SNAPC1: variants seen among roughly 807,000 people sequenced by gnomAD.
SNAPC1 encodes the protein snRNA-activating protein complex subunit 1.
Under a neutral mutation model 50.1 loss-of-function variants are expected in SNAPC1, and 42 were observed. The observed-to-expected ratio is 0.84, with a 90% CI of 0.65 to 1.08. The LOEUF (loss-of-function observed/expected upper bound fraction) is 1.08, where lower values mean the gene tolerates loss of function less well. Ranked by LOEUF, SNAPC1 falls within the 50% of genes least tolerant of loss-of-function variation. SNAPC1 has a pLI of 0.00. For synonymous variants in SNAPC1, 164 were observed against 144.2 expected, an observed-to-expected ratio of 1.14 and a Z score of -0.98; for missense variants, 477 against 427.3, an observed-to-expected ratio of 1.12 and a Z score of -1.02.
Position 61,762,504 on chromosome 14 carries a change from T to G in SNAPC1, c.44T>G (p.Leu15Arg). Residue 15 changes from leucine (L) to arginine (R), a missense_variant, in exon 1 of 10, where the codon CTC becomes CGC. Transcript: ENST00000216294. Reference protein sequence around the residue: ...PGLQTDCEALLSRFQETDSVR... With the variant: ...PGLQTDCEALRSRFQETDSVR... ...CTGCAGACCGACTGCGAGGCGCTGC[T>G]CAGCCGCTTCCAGGAGACGGACAGT... is the stretch of plus-strand genomic sequence containing the variant. 1 of 1,426,680 alleles carries G rather than the reference T, an allele frequency of 7.0e-7. No individual in the cohort carries two copies. Among genetic ancestry groups the G allele is most frequent in the African/African-American group, 1.7e-5 (1 of 57,550 alleles). The allele number at this position is 1,426,680 out of a possible 1,614,324, so 88.4% of individuals were successfully genotyped here.
At chr14:61,777,935 T>G (rs1477851760) in intron 5 of SNAPC1, 137 bp from the exon 6 acceptor site, 1 of 513,280 alleles carries the variant, frequency 1.9e-6, no homozygotes, top group Non-Finnish European at 3.5e-6. Context: ...TAATGTTAGG[T>G]GGTATATAAT....
intron 1 of SNAPC1, among the ~76,000 whole-genome samples, chr14:61,763,144 A>C (rs1304682510): frequency 6.6e-6 from 1 of 151,424 alleles, no homozygotes; most frequent in Non-Finnish European, 1.5e-5. Flanking sequence ...GGTGCCCGGC[A>C]CCACGCCCGG....
At chr14:61,772,812 C>G (rs1378192690) in intron 4 of SNAPC1, among the ~76,000 whole-genome samples, 1 of 152,128 alleles carries the variant, frequency 6.6e-6, no homozygotes, top group East Asian at 1.9e-4. Flanking sequence ...GAACAAAGGT[C>G]TACTCTTTTA....
chr14:61,768,311 C>T lies in SNAPC1; in HGVS notation c.430-325C>T, dbSNP rs1017277445. Among the ~76,000 whole-genome samples the T allele has an allele frequency of 2.7e-5, 4 of 150,614 alleles. No individual in the cohort carries two copies. The East Asian group carries it at 7.8e-4, about 29-fold the overall frequency. On this transcript the variant is annotated intron_variant, in intron 3 of 9. Coordinates refer to ENST00000216294, the MANE Select transcript of SNAPC1 (RefSeq NM_003082.4). The stretch of plus-strand genomic sequence containing the variant: ...AAAATTCTTTGGTGAAAAGTTGAAA[C>T]TTCTAATAGCATTTGTTTTTTTTTA...
chr14:61,778,816 T>C, intron 6 of SNAPC1, 32 bp from the exon 7 acceptor site: 5 of 1,377,680 alleles, frequency 3.6e-6, no homozygotes, highest in Non-Finnish European at 5.1e-6. Context: ...TTGTGTGTTT[T>C]AACTTTTTTT....
chr14:61,787,670 C>T lies in SNAPC1; in HGVS notation c.977-5137C>T, dbSNP rs117106099. On this transcript the variant is annotated intron_variant, in intron 8 of 9. Coordinates refer to ENST00000216294, the MANE Select transcript of SNAPC1 (RefSeq NM_003082.4). ...AGTGTATGAATGGTTGAAGTACTGC[C>T]GCTGGGATTGGCCAAGTCTCAGCTA... is the stretch of plus-strand genomic sequence containing the variant. Among the ~76,000 whole-genome samples, 725 of 152,270 alleles carry T rather than the reference C, an allele frequency of 4.8e-3. 8 individuals carry two copies. Among genetic ancestry groups the T allele is most frequent in the Non-Finnish European group, 7.3e-3 (494 of 68,024 alleles).
chr14:61,770,995 G>C (rs1056758878), intron 4 of SNAPC1, among the ~76,000 whole-genome samples: 1 of 152,102 alleles, frequency 6.6e-6, no homozygotes, highest in African/African-American at 2.4e-5. Flanking sequence ...GCCCGCCTCA[G>C]CCTCCCAAAG....
At chr14:61,793,120 T>C (rs1368184942) in intron 9 of SNAPC1, among the ~76,000 whole-genome samples, 2 of 152,242 alleles carry the variant, frequency 1.3e-5, no homozygotes, top group African/African-American at 4.8e-5. Context: ...CCATTAGGTA[T>C]CCTATCAGTT....
chr14:61,771,135 A>G (rs2140176498), intron 4 of SNAPC1, among the ~76,000 whole-genome samples: 1 of 152,374 alleles, frequency 6.6e-6, no homozygotes, highest in Admixed American at 6.5e-5. Flanking sequence ...TTACTGTATT[A>G]CAAGGAACTG....
intron 4 of SNAPC1, among the ~76,000 whole-genome samples, chr14:61,770,544 G>A (rs964985445): frequency 2.0e-5 from 3 of 151,958 alleles, no homozygotes; most frequent in Admixed American, 1.3e-4. Flanking sequence ...GTGCCCGGTC[G>A]CCCCCACGTT....
At position 61,790,658 on chromosome 14, in the gene SNAPC1, C is replaced by T. The variant is rs536127444; in HGVS notation, c.977-2149C>T. ...GGCTATGTAACACTTTTTATCTGAC[C>T]AACTTTTTCTCACATGTCCAAGACC... is the stretch of plus-strand genomic sequence containing the variant. On this transcript the variant is annotated intron_variant, in intron 8 of 9. Coordinates refer to ENST00000216294, the MANE Select transcript of SNAPC1 (RefSeq NM_003082.4). 2.0e-5 allele frequency among the ~76,000 whole-genome samples: 3 copies of T among 152,052 alleles called. No homozygotes were observed. The South Asian group carries it at 6.2e-4, about 32-fold the overall frequency.
At chr14:61,764,551 T>G (rs2140173062) in intron 1 of SNAPC1, among the ~76,000 whole-genome samples, 1 of 152,290 alleles carries the variant, frequency 6.6e-6, no homozygotes, top group Non-Finnish European at 1.5e-5. Flanking sequence ...ATGAGGAAAT[T>G]AAGGCTTAAA....
intron 3 of SNAPC1, among the ~76,000 whole-genome samples, chr14:61,767,778 T>G (rs72714601): frequency 0.13 from 19,678 of 148,742 alleles, 1,566 homozygotes; most frequent in Non-Finnish European, 0.17. Context: ...GTAACTTTTT[T>G]TGTGTGTGTG....
At chr14:61,792,139 A>G (rs1419993728) in intron 8 of SNAPC1, among the ~76,000 whole-genome samples, 1 of 152,028 alleles carries the variant, frequency 6.6e-6, no homozygotes, top group East Asian at 1.9e-4. Flanking sequence ...ATAACATATC[A>G]AATGATAAAA....
At chr14:61,789,924 G>A (rs1376650758) in intron 8 of SNAPC1, among the ~76,000 whole-genome samples, 1 of 152,172 alleles carries the variant, frequency 6.6e-6, no homozygotes. Flanking sequence ...GTAGAGGGCT[G>A]TTGCGGTAGT....
At chr14:61,786,391 A>G (rs2045116088) in intron 8 of SNAPC1, among the ~76,000 whole-genome samples, 1 of 149,620 alleles carries the variant, frequency 6.7e-6, no homozygotes, top group Non-Finnish European at 1.5e-5. Flanking sequence ...AATTTTTGCA[A>G]ACTACTACGC....
At chr14:61,779,666 A>T in intron 7 of SNAPC1, among the ~76,000 whole-genome samples, 1 of 133,802 alleles carries the variant, frequency 7.5e-6, no homozygotes, top group Admixed American at 7.7e-5. Context: ...ATTTCCTTTG[A>T]GTTCTTTTTT....
Position 61,778,930 on chromosome 14 carries a change from G to T in SNAPC1, c.825+20G>T. The T allele has an allele frequency of 7.3e-7, 1 of 1,368,714 alleles. No individual in the cohort carries two copies. Among genetic ancestry groups the T allele is most frequent in the Non-Finnish European group, 1.0e-6 (1 of 993,790 alleles). 84.8% of individuals were successfully genotyped at this position (1,368,714 alleles called of 1,614,324 possible). On this transcript the variant is annotated intron_variant, in intron 7 of 9. Transcript: ENST00000216294. ...ATACAGGTAAGTTATTCTTTAATAA[G>T]GTAATTTGGAAATTGACTGCTTTTT... is the stretch of plus-strand genomic sequence containing the variant.
chr14:61,766,216 G>A lies in SNAPC1; in HGVS notation c.129-660G>A, dbSNP rs369114677. ...GGCGTGCTTATACTGGTCCAAGCAA[G>A]CATTAAGTCATAGCCTGTTCTTCTT... On this transcript the variant is annotated intron_variant, in intron 1 of 9. Coordinates refer to ENST00000216294, the MANE Select transcript of SNAPC1 (RefSeq NM_003082.4). Among the ~76,000 whole-genome samples the A allele has an allele frequency of 4.4e-3, 672 of 152,332 alleles. 8 individuals carry two copies. The highest frequency in any genetic ancestry group is 0.015 in the African/African-American group (630 of 41,570).
Sources: gnomAD v4.1 joint callset for allele counts (sites outside exome capture counted in the v4.1 genomes callset) on GRCh38, gnomAD v4.1.1 for gene constraint, MANE v1.5 for transcripts, NCBI Gene and HGNC (gene_info 2026-07-23, HGNC 2026-07-21) for gene names.